The following CDC73 variants were observed in gnomAD, a reference collection of about 807,000 sequenced individuals.
CDC73 encodes the protein parafibromin.
CDC73 carries 21 observed loss-of-function variants against 83.7 expected under a neutral mutation model. That is an observed-to-expected ratio of 0.25 (90% CI 0.18 to 0.36). CDC73 has a LOEUF of 0.36. CDC73 is among the 10% of genes least tolerant of loss of function. The pLI, the probability that CDC73 is intolerant of heterozygous loss-of-function variation, is 1.00. For missense variants in CDC73, 342 were observed against 653.3 expected, an observed-to-expected ratio of 0.52 and a Z score of 5.19; for synonymous variants, 224 against 212.9, an observed-to-expected ratio of 1.05 and a Z score of -0.45.
At position 193,234,173 on chromosome 1, in the gene CDC73, TCTCACACACACACA is replaced by T. The variant is rs1211397776; in HGVS notation, c.1316+1021_1316+1034del. 4.4e-3 allele frequency among the ~76,000 whole-genome samples: 302 copies of T among 68,310 alleles called. 1 individual carries two copies. The highest frequency in any genetic ancestry group is 0.016 in the Middle Eastern group (2 of 122). 44.8% of individuals were successfully genotyped at this position (68,310 alleles called of 152,430 possible). ...AATTCTCTCTCTCTCTCTCTCTCTC[TCTCACACACACACA>T]CACACACACACACACACACACACAC... On this transcript the variant is annotated intron_variant, in intron 14 of 16. Transcript: ENST00000367435.
chr1:193,162,318 CAT>C (rs1294246664), intron 10 of CDC73, among the ~76,000 whole-genome samples: 9 of 124,604 alleles, frequency 7.2e-5, no homozygotes, highest in Non-Finnish European at 1.5e-4. Context: ...TATTATATAT[CAT>C]ATATACTATA....
intron 13 of CDC73, among the ~76,000 whole-genome samples, chr1:193,215,772 T>C (rs988386709): frequency 1.3e-5 from 2 of 152,066 alleles, no homozygotes; most frequent in Non-Finnish European, 2.9e-5. Context: ...GTATTTTTTG[T>C]AGAGACTGGG....
rs141941945 is a variant in CDC73 at position 193,188,865 on chromosome 1, A to G, written c.973-14930A>G. Among the ~76,000 whole-genome samples the G allele has an allele frequency of 2.4e-3, 360 of 152,140 alleles. 1 individual carries two copies. Among genetic ancestry groups the G allele is most frequent in the African/African-American group, 8.0e-3 (334 of 41,518 alleles). On this transcript the variant is annotated intron_variant, in intron 10 of 16. Coordinates refer to ENST00000367435, the MANE Select transcript of CDC73 (RefSeq NM_024529.5). ...TATTTAAACAGCAAGAAACTTCCAA[A>G]TATTACTAACAAAAGGTGCCTATGT...
intron 10 of CDC73, among the ~76,000 whole-genome samples, chr1:193,199,413 A>G (rs189927551): frequency 6.1e-4 from 93 of 152,130 alleles, no homozygotes; most frequent in Middle Eastern, 6.8e-3. Flanking sequence ...GACTCATTCA[A>G]TGTGTTTAGA....
chr1:193,130,963 A>G (rs1391779506), intron 3 of CDC73, among the ~76,000 whole-genome samples: 2 of 152,060 alleles, frequency 1.3e-5, no homozygotes, highest in African/African-American at 2.4e-5. Flanking sequence ...TAATTCTTGA[A>G]GTTTCCAAGA....
chr1:193,149,664 A>G (rs1676071280), intron 8 of CDC73, among the ~76,000 whole-genome samples: 1 of 152,162 alleles, frequency 6.6e-6, no homozygotes, highest in African/African-American at 2.4e-5. Flanking sequence ...TATTTGGCAT[A>G]ATATTTGATA....
chr1:193,154,531 A>C (rs532329665), intron 10 of CDC73, among the ~76,000 whole-genome samples: 16 of 152,330 alleles, frequency 1.1e-4, no homozygotes, highest in African/African-American at 3.8e-4. Flanking sequence ...AACTTAAGCA[A>C]ATTTATGCTG....
At chr1:193,209,103 G>A (rs141514410) in intron 11 of CDC73, among the ~76,000 whole-genome samples, 202 of 152,296 alleles carry the variant, frequency 1.3e-3, no homozygotes, top group African/African-American at 4.6e-3. Flanking sequence ...AATTACTTCT[G>A]TTTTATTTGC....
intron 8 of CDC73, 27 bp from the exon 9 acceptor site, chr1:193,150,277 A>G (rs774775317): frequency 3.4e-6 from 5 of 1,469,764 alleles, no homozygotes; most frequent in Non-Finnish European, 3.8e-6. Flanking sequence ...AATATTAACA[A>G]GTAACTCATA....
intron 13 of CDC73, among the ~76,000 whole-genome samples, chr1:193,226,863 A>G (rs1016903466): frequency 9.9e-5 from 15 of 152,092 alleles, no homozygotes; most frequent in Non-Finnish European, 1.5e-4. Context: ...CTCTTTCTCT[A>G]TCTTGTGGAA....
intron 2 of CDC73, chr1:193,127,870 A>T (rs1174760421): frequency 1.5e-5 from 2 of 131,414 alleles, no homozygotes; most frequent in Non-Finnish European, 3.1e-5. Context: ...GGCTCACTGC[A>T]ACCTCCGCCT....
intron 11 of CDC73, among the ~76,000 whole-genome samples, chr1:193,206,364 T>G (rs1409790936): frequency 6.6e-6 from 1 of 152,214 alleles, no homozygotes; most frequent in Non-Finnish European, 1.5e-5. Context: ...TCCACTTAAC[T>G]GCTTCACACC....
At chr1:193,150,229 C>A (rs1676081384) in intron 8 of CDC73, 75 bp from the exon 9 acceptor site, 1 of 1,038,120 alleles carries the variant, frequency 9.6e-7, no homozygotes, top group Non-Finnish European at 1.5e-6. Flanking sequence ...CATGGTCATG[C>A]TACTGCACTC....
At chr1:193,217,289 C>T (rs957264921) in intron 13 of CDC73, among the ~76,000 whole-genome samples, 7 of 152,126 alleles carry the variant, frequency 4.6e-5, no homozygotes, top group Non-Finnish European at 8.8e-5. Flanking sequence ...ACCCTATAGG[C>T]GGCTTGTGTT....
chr1:193,188,008 T>C (rs1204025593), intron 10 of CDC73, among the ~76,000 whole-genome samples: 1 of 152,204 alleles, frequency 6.6e-6, no homozygotes, highest in Non-Finnish European at 1.5e-5. Context: ...GTTAACAGAG[T>C]AATGCTTAAG....
intron 13 of CDC73, among the ~76,000 whole-genome samples, chr1:193,213,790 C>T (rs1383381889): frequency 6.6e-6 from 1 of 152,052 alleles, no homozygotes; most frequent in Non-Finnish European, 1.5e-5. Context: ...TACGTCCTTC[C>T]AGAGTGATTT....
At chr1:193,208,572 C>T (rs970353517) in intron 11 of CDC73, among the ~76,000 whole-genome samples, 4 of 152,174 alleles carry the variant, frequency 2.6e-5, no homozygotes, top group Admixed American at 6.5e-5. Flanking sequence ...GTACTCTTTT[C>T]GATCCTTTGT....
chr1:193,127,289 ATGTGTGTGTGTG>A (rs34948918), intron 2 of CDC73, among the ~76,000 whole-genome samples: 3 of 143,256 alleles, frequency 2.1e-5, no homozygotes, highest in East Asian at 2.0e-4. Context: ...AAAAAAAAAA[ATGTGTGTGTGTG>A]TGTGTGTGTG....
intron 10 of CDC73, among the ~76,000 whole-genome samples, 180 bp from the exon 11 acceptor site, chr1:193,203,615 G>C (rs1254535344): frequency 6.6e-6 from 1 of 152,106 alleles, no homozygotes; most frequent in African/African-American, 2.4e-5. Context: ...AAAAGATCAG[G>C]AGAGTTTTCA....
Sources: gnomAD v4.1 joint callset for allele counts (sites outside exome capture counted in the v4.1 genomes callset) on GRCh38, gnomAD v4.1.1 for gene constraint, MANE v1.5 for transcripts, NCBI Gene and HGNC (gene_info 2026-07-23, HGNC 2026-07-21) for gene names.